OSBPL9: variants seen among roughly 807,000 people sequenced by gnomAD.
The protein encoded by OSBPL9 is oxysterol binding protein like 9, also known as oxysterol-binding protein-related protein 9.
OSBPL9 carries 40 observed loss-of-function variants against 106.6 expected under a neutral mutation model. That is an observed-to-expected ratio of 0.38 (90% CI 0.29 to 0.49). OSBPL9 has a LOEUF of 0.49. OSBPL9 is among the 20% of genes least tolerant of loss of function. The pLI, the probability that OSBPL9 is intolerant of heterozygous loss-of-function variation, is 0.97. For synonymous variants in OSBPL9, 269 were observed against 295.4 expected (o/e 0.91, Z 0.92); for missense variants, 609 against 887.2 (o/e 0.69, Z 3.98).
intron 11 of OSBPL9, among the ~76,000 whole-genome samples, chr1:51,765,294 A>AAAAGAGG: frequency 6.6e-6 from 1 of 152,176 alleles, no homozygotes; most frequent in Non-Finnish European, 1.5e-5. Flanking sequence ...ACTTAGGTGG[A>AAAAGAGG]AAAGAGGAGA....
At chr1:51,666,186 G>A (rs1221485072) in intron 2 of OSBPL9, among the ~76,000 whole-genome samples, 1 of 152,140 alleles carries the variant, frequency 6.6e-6, no homozygotes, top group Admixed American at 6.5e-5. Context: ...AAGTAGTAAT[G>A]TGGTCATTGG....
intron 4 of OSBPL9, among the ~76,000 whole-genome samples, chr1:51,715,188 A>G (rs1421539199): frequency 1.3e-5 from 2 of 152,238 alleles, no homozygotes; most frequent in African/African-American, 4.8e-5. Flanking sequence ...TAAACCCCCC[A>G]TCACTTGAAA....
intron 8 of OSBPL9, among the ~76,000 whole-genome samples, chr1:51,751,151 A>G (rs562678797): frequency 6.6e-6 from 1 of 152,232 alleles, no homozygotes; most frequent in East Asian, 1.9e-4. Flanking sequence ...GCAGTGGCAC[A>G]ATCTCAGCTC....
chr1:51,662,070 C>T (rs1294128794), intron 2 of OSBPL9, among the ~76,000 whole-genome samples: 4 of 152,084 alleles, frequency 2.6e-5, no homozygotes, highest in East Asian at 1.9e-4. Context: ...CAAACCAGGT[C>T]GTATGGTCAC....
chr1:51,716,905 C>A (rs559172808), intron 4 of OSBPL9, among the ~76,000 whole-genome samples: 7 of 152,198 alleles, frequency 4.6e-5, no homozygotes, highest in African/African-American at 1.4e-4. Flanking sequence ...CTCCCCCCAC[C>A]CACTTCAGTT....
At chr1:51,666,159 T>A (rs1192737198) in intron 2 of OSBPL9, among the ~76,000 whole-genome samples, 1 of 152,174 alleles carries the variant, frequency 6.6e-6, no homozygotes, top group Non-Finnish European at 1.5e-5. Flanking sequence ...CCGGAGAAGT[T>A]CTGTACAACA....
chr1:51,776,990 A>G (rs1005140970), intron 15 of OSBPL9, 72 bp downstream of exon 15: 10 of 1,148,686 alleles, frequency 8.7e-6, no homozygotes, highest in South Asian at 1.3e-5. Flanking sequence ...TTTATTTTGC[A>G]GGATAGATGG....
the OSBPL9 span, among the ~76,000 whole-genome samples, chr1:51,535,561 T>C: frequency 2.9e-3 from 433 of 149,684 alleles, 1 homozygote; most frequent in African/African-American, 9.6e-3. Flanking sequence ...TACTTTTTAT[T>C]TTTTTTTAAA....
At chr1:51,638,404 A>T (rs1645583530) in intron 1 of OSBPL9, among the ~76,000 whole-genome samples, 1 of 152,066 alleles carries the variant, frequency 6.6e-6, no homozygotes. Flanking sequence ...TCTCTAGTAC[A>T]TTAAATGCTA....
chr1:51,765,877 G>T lies in OSBPL9; in HGVS notation c.834G>T (p.Leu278Phe), dbSNP rs749256152. 1 of 1,613,936 alleles carries T rather than the reference G, an allele frequency of 6.2e-7. No individual in the cohort carries two copies. The highest frequency in any genetic ancestry group is 8.5e-7 in the Non-Finnish European group (1 of 1,179,958). ...TCACTTCTCCAAGCCACGTGAACTT[G>T]TCTCCAAATACAGTCCCAGAGTTCT... ...SSLTSPSHVN[L>F]SPNTVPEFSY... The change falls in exon 12 of 24, where the codon TTG becomes TTT. Residue 278 changes from leucine (L) to phenylalanine (F), a missense_variant. Around this residue, in one of 5 missense-constraint regions of OSBPL9, gnomAD observed 356 missense variants for 505.8 expected, o/e 0.70. Coordinates refer to ENST00000428468, the MANE Select transcript of OSBPL9 (RefSeq NM_024586.6).
the OSBPL9 span, among the ~76,000 whole-genome samples, chr1:51,564,542 A>G: frequency 6.6e-6 from 1 of 152,132 alleles, no homozygotes; most frequent in Non-Finnish European, 1.5e-5. Flanking sequence ...TTATATTTCT[A>G]TGCTGTGGAG....
chr1:51,638,161 A>G (rs1427262355), intron 1 of OSBPL9, among the ~76,000 whole-genome samples: 1 of 152,134 alleles, frequency 6.6e-6, no homozygotes, highest in Admixed American at 6.6e-5. Flanking sequence ...ATTTTTGTAT[A>G]TTGAATCAAT....
At chr1:51,614,731 CTCTGT>C (rs1644012820), upstream of OSBPL9, among the ~76,000 whole-genome samples, 1 of 152,136 alleles carries the variant, frequency 6.6e-6, no homozygotes, top group Admixed American at 6.5e-5. Context: ...ATCTACCAGG[CTCTGT>C]TCTAAGCTCT....
intron 2 of OSBPL9, among the ~76,000 whole-genome samples, chr1:51,666,502 A>G (rs1648552421): frequency 6.6e-6 from 1 of 152,252 alleles, no homozygotes; most frequent in African/African-American, 2.4e-5. Context: ...TTCAGTAGCC[A>G]CTTGTTGCTA....
chr1:51,745,780 CT>C, intron 5 of OSBPL9, 149 bp downstream of exon 5: 1 of 999,088 alleles, frequency 1.0e-6, no homozygotes, highest in Non-Finnish European at 1.3e-6. Flanking sequence ...ATCTAGCTGA[CT>C]TATTCAAAGG....
intron 1 of OSBPL9, among the ~76,000 whole-genome samples, chr1:51,581,422 T>C (rs72894174): frequency 0.2 from 30,073 of 152,140 alleles, 4,368 homozygotes; most frequent in African/African-American, 0.41. Context: ...GGTTTCTCCA[T>C]TGCAAAGTTA....
At chr1:51,617,263 C>A in intron 1 of OSBPL9, 42 bp downstream of exon 1, 1 of 1,553,588 alleles carries the variant, frequency 6.4e-7, no homozygotes, top group Non-Finnish European at 8.7e-7. Context: ...CTCGGGGCCG[C>A]GTTTCCTGGG....
At chr1:51,745,257 G>A (rs140288685) in intron 4 of OSBPL9, 6 of 324,580 alleles carry the variant, frequency 1.8e-5, no homozygotes, top group South Asian at 7.1e-5. Flanking sequence ...TACAGGGTTT[G>A]GGGGAGATAA....
chr1:51,697,563 G>A (rs552030427), intron 3 of OSBPL9, among the ~76,000 whole-genome samples: 1 of 147,984 alleles, frequency 6.8e-6, no homozygotes, highest in South Asian at 2.1e-4. Context: ...TAAAGGAGAA[G>A]ATATGACTTT....
Sources: gnomAD v4.1 joint callset for allele counts (sites outside exome capture counted in the v4.1 genomes callset) on GRCh38, gnomAD v4.1.1 for gene constraint, gnomAD v4.1.1 regional missense constraint, MANE v1.5 for transcripts, NCBI Gene and HGNC (gene_info 2026-07-23, HGNC 2026-07-21) for gene names.